MTFR1: variants seen among roughly 807,000 people sequenced by gnomAD.
MTFR1 encodes mitochondrial fission regulator 1.
Under a neutral mutation model 38.8 loss-of-function variants are expected in MTFR1, and 28 were observed. That is an observed-to-expected ratio of 0.72 (90% CI 0.53 to 0.99). The LOEUF is 0.99. Ranked by LOEUF, MTFR1 falls within the 50% of genes least tolerant of loss-of-function variation. The pLI is 0.00. For missense variants in MTFR1, 358 were observed against 395.5 expected (o/e 0.91, Z 0.81); for synonymous variants, 145 against 137.0 (o/e 1.06, Z -0.41).
chr8:65,704,819 C>A lies in MTFR1; in HGVS notation c.407C>A (p.Ala136Glu). 1 of 1,614,084 alleles carries A rather than the reference C, an allele frequency of 6.2e-7. No individual in the cohort carries two copies. The highest frequency in any genetic ancestry group is 8.5e-7 in the Non-Finnish European group (1 of 1,180,020). ...CCTCAGCTGAAGACCCCAGCGCTGG[C>A]AAATGAGGAAGCACTGCAGAAGATT... ...EEPQLKTPAL[A>E]NEEALQKICA... is the part of the protein sequence containing the mutation. The change falls in exon 5 of 8, where the codon GCA (alanine) becomes GAA (glutamate). Residue 136 changes from alanine to glutamate, a missense_variant. By Grantham distance (107) the Ala-to-Glu change is moderately radical (BLOSUM62 -1). Transcript: ENST00000262146.
chr8:65,647,963 G>A (rs986168036), intron 1 of MTFR1, among the ~76,000 whole-genome samples: 8 of 151,952 alleles, frequency 5.3e-5, no homozygotes, highest in African/African-American at 7.3e-5. Flanking sequence ...GCCTACTGAC[G>A]TACTATGCCT....
chr8:65,672,852 G>C (rs189734638), intron 2 of MTFR1, among the ~76,000 whole-genome samples: 124 of 152,298 alleles, frequency 8.1e-4, no homozygotes, highest in Admixed American at 6.0e-3. Context: ...TCACAGAATT[G>C]AAGAGAATTA....
chr8:65,675,214 A>C lies in MTFR1; in HGVS notation c.66+5196A>C, dbSNP rs533994247. 2.4e-3 allele frequency among the ~76,000 whole-genome samples: 358 copies of C among 151,984 alleles called. 3 individuals carry two copies. The highest frequency in any genetic ancestry group is 3.2e-3 in the Non-Finnish European group (216 of 67,968). ...GCTGAGGCAGGAGAATCCGGTTTGA[A>C]CTCGGGAGGCACAGGTTGCAGTGAG... On this transcript the variant is annotated intron_variant, in intron 2 of 7. Coordinates refer to ENST00000262146, the MANE Select transcript of MTFR1 (RefSeq NM_014637.4).
intron 3 of MTFR1, among the ~76,000 whole-genome samples, chr8:65,690,545 G>A (rs1414042944): frequency 6.6e-6 from 1 of 151,280 alleles, no homozygotes; most frequent in African/African-American, 2.4e-5. Flanking sequence ...CAACAAAAAA[G>A]AAAAGTAGTA....
chr8:65,657,287 A>G (rs1809295089), intron 1 of MTFR1, among the ~76,000 whole-genome samples: 1 of 152,230 alleles, frequency 6.6e-6, no homozygotes, highest in African/African-American at 2.4e-5. Context: ...TGCTGGGATT[A>G]CAGGCATAAG....
At chr8:65,739,744 A>C in intron 3 of MTFR1, 1 of 884,708 alleles carries the variant, frequency 1.1e-6, no homozygotes, top group Admixed American at 4.6e-5. Context: ...TCTTCTTACC[A>C]GTTATGAACT....
chr8:65,689,013 T>C (rs994983362), intron 3 of MTFR1, among the ~76,000 whole-genome samples: 3 of 151,830 alleles, frequency 2.0e-5, no homozygotes, highest in African/African-American at 7.3e-5. Flanking sequence ...GGCATGGTGG[T>C]GGGTGCCTGT....
chr8:65,727,001 T>TA (rs1460692137), intron 3 of MTFR1: 1 of 1,200,404 alleles, frequency 8.3e-7, no homozygotes, highest in Admixed American at 1.7e-5. Context: ...TACTTAATGA[T>TA]ACGTCTCTTT....
At chr8:65,765,349 CGT>C (rs1808720054) in intron 3 of MTFR1, among the ~76,000 whole-genome samples, 1 of 150,292 alleles carries the variant, frequency 6.7e-6, no homozygotes, top group Non-Finnish European at 1.5e-5. Flanking sequence ...ATTAGCCGGG[CGT>C]AGTGGCGGGC....
intron 6 of MTFR1, 97 bp from the exon 7 acceptor site, chr8:65,707,746 C>T: frequency 6.9e-7 from 1 of 1,452,750 alleles, no homozygotes. Flanking sequence ...AGCTATGATG[C>T]TGGAGAGGTG....
intron 4 of MTFR1, among the ~76,000 whole-genome samples, chr8:65,700,371 AAAG>A (rs1305119942): frequency 1.3e-5 from 2 of 151,734 alleles, no homozygotes; most frequent in African/African-American, 2.4e-5. Flanking sequence ...AAAAAAGAAA[AAAG>A]AAAACAAAAA....
chr8:65,765,821 A>C (rs909418576), intron 3 of MTFR1: 4 of 152,362 alleles, frequency 2.6e-5, no homozygotes, highest in Middle Eastern at 3.4e-3. Flanking sequence ...GGGCATGCAT[A>C]ATGGGATTAT....
chr8:65,713,754 G>A (rs1806024981), downstream of MTFR1, among the ~76,000 whole-genome samples: 1 of 152,172 alleles, frequency 6.6e-6, no homozygotes, highest in Admixed American at 6.5e-5. Context: ...CACAATGTCA[G>A]CTCATTGTAA....
rs201953818 is a variant in MTFR1, at chr8:65,754,914, G to A, written c.*49-16033G>A. Among the ~76,000 whole-genome samples the A allele has an allele frequency of 7.3e-4, 110 of 150,372 alleles. No individual in the cohort carries two copies. In the Middle Eastern group the frequency reaches 0.01, roughly 14 times the overall value. On this transcript the variant is annotated intron_variant, in intron 3 of 3. Coordinates refer to the MTFR1 transcript ENST00000521247. The stretch of plus-strand genomic sequence containing the variant: ...CGGGAGGCGGAGGTTGCAGTGAGCC[G>A]AGATCGCGCCACTGCACTCCAGCCT...
downstream of MTFR1, among the ~76,000 whole-genome samples, chr8:65,775,352 T>G (rs981156065): frequency 1.3e-5 from 2 of 152,238 alleles, no homozygotes; most frequent in African/African-American, 4.8e-5. Flanking sequence ...TTTCTTGAGT[T>G]GGACTACTTA....
At chr8:65,749,756 C>T (rs937971226) in intron 3 of MTFR1, among the ~76,000 whole-genome samples, 1 of 152,104 alleles carries the variant, frequency 6.6e-6, no homozygotes, top group African/African-American at 2.4e-5. Context: ...TAGGGTGACA[C>T]CTGGATTAAA....
chr8:65,693,561 C>A, intron 3 of MTFR1, 83 bp from the exon 4 acceptor site: 1 of 1,093,326 alleles, frequency 9.1e-7, no homozygotes, highest in South Asian at 1.3e-5. Context: ...CCAGAGCTGA[C>A]GATTTTCCTT....
chr8:65,645,692 T>TTTCCCCC (rs1554544272), intron 1 of MTFR1, among the ~76,000 whole-genome samples: 3 of 83,174 alleles, frequency 3.6e-5, no homozygotes, highest in African/African-American at 1.5e-4. Context: ...CGCCCGGCTT[T>TTTCCCCC]CCCCCCCCCC....
At chr8:65,749,362 T>C (rs185803057) in intron 3 of MTFR1, among the ~76,000 whole-genome samples, 1 of 152,170 alleles carries the variant, frequency 6.6e-6, no homozygotes, top group Non-Finnish European at 1.5e-5. Flanking sequence ...TACACACAAA[T>C]AAACAGAAGT....
Sources: allele counts gnomAD v4.1 joint callset (sites outside exome capture counted in the v4.1 genomes callset), GRCh38; gene constraint gnomAD v4.1.1; transcripts MANE v1.5; gene names NCBI Gene and HGNC (gene_info 2026-07-23, HGNC 2026-07-21).